The following ASH1L variants were observed in gnomAD, a reference collection of about 807,000 sequenced individuals.
ASH1L encodes histone-lysine N-methyltransferase ASH1L.
In ASH1L, 23 loss-of-function variants were observed where a neutral mutation model predicts 269.0. The ratio of observed to expected loss-of-function variants is 0.09; its 90% confidence interval spans 0.06 to 0.12. The LOEUF is 0.12. Ranked by LOEUF, ASH1L falls within the 10% of genes least tolerant of loss-of-function variation. The pLI is 1.00. For synonymous variants in ASH1L, 1,187 were observed against 1,253.5 expected, an observed-to-expected ratio of 0.95 and a Z score of 1.12; for missense variants, 2,912 against 3,567.8, an observed-to-expected ratio of 0.82 and a Z score of 4.68.
At position 155,562,184 on chromosome 1, in the gene ASH1L, G is replaced by A. The variant is rs567030046; in HGVS notation, c.-131C>T. The A allele has an allele frequency of 1.2e-6, 2 of 1,603,060 alleles. No individual in the cohort carries two copies. Among genetic ancestry groups the A allele is most frequent in the Admixed American group, 1.7e-5 (1 of 59,642 alleles). Reference sequence around the variant, plus strand: ...GGAGGCCGAGGCCGAGGCCGAGAGCGATGAGAGTGCAGGGAAGTGGGGAAG... The same window carrying A: ...GGAGGCCGAGGCCGAGGCCGAGAGCAATGAGAGTGCAGGGAAGTGGGGAAG... On this transcript the variant is annotated 5_prime_UTR_variant, in exon 1 of 28. Transcript: ENST00000392403.
At chr1:155,420,808 C>G (rs533144104) in intron 5 of ASH1L, among the ~76,000 whole-genome samples, 1 of 145,800 alleles carries the variant, frequency 6.9e-6, no homozygotes, top group East Asian at 2.0e-4. Flanking sequence ...CAAGATCGCA[C>G]TACTGCACTT....
Position 155,438,630 on chromosome 1 carries a change from C to T in ASH1L, c.5525G>A (p.Gly1842Glu). Residue 1842 changes from glycine to glutamate, a missense_variant, in exon 5 of 28, where the codon GGG (glycine) becomes GAG (glutamate). This residue lies in a region of ASH1L where 789 missense variants were observed against 897.6 expected (regional missense o/e 0.88). Transcript: ENST00000392403. ...TGGCCTACGTTTCACAAAGTTATTC[C>T]CTGTCCTGGCCTGCCTTTGAAGTTT... is the stretch of plus-strand genomic sequence containing the variant. ...AKKLQRQART[G>E]NNFVKRRPGR... 1 of 1,614,200 alleles carries T rather than the reference C, an allele frequency of 6.2e-7. No homozygotes were observed. The highest frequency in any genetic ancestry group is 8.5e-7 in the Non-Finnish European group (1 of 1,180,038).
upstream of ASH1L, chr1:155,562,968 C>T: frequency 2.2e-6 from 1 of 457,892 alleles, no homozygotes. Flanking sequence ...TGTTCCATTC[C>T]TGTCGGCTGC....
In ASH1L at chr1:155,357,462, T is replaced by C. The variant is rs1429810496; in HGVS notation, c.6961-52A>G. The C allele has an allele frequency of 2.5e-6, 4 of 1,593,826 alleles. No individual in the cohort carries two copies. In the East Asian group the frequency reaches 8.9e-5, roughly 36 times the overall value. On this transcript the variant is annotated intron_variant, in intron 14 of 27. Transcript: ENST00000392403. The stretch of plus-strand genomic sequence containing the variant: ...GATTTAAAAAAATATCAGTCAGAAA[T>C]AATCTCCAAGAATATTAAAACCACT...
intron 5 of ASH1L, among the ~76,000 whole-genome samples, chr1:155,416,275 G>A (rs1660199817): frequency 6.6e-6 from 1 of 150,396 alleles, no homozygotes; most frequent in Non-Finnish European, 1.5e-5. Context: ...ATATTACAGG[G>A]GCACGCCACC....
chr1:155,367,808 C>T (rs1655572402), intron 12 of ASH1L, among the ~76,000 whole-genome samples: 2 of 151,980 alleles, frequency 1.3e-5, no homozygotes, highest in Admixed American at 6.6e-5. Context: ...TGGAATAAAC[C>T]CCACATAGTC....
chr1:155,337,568 C>G lies in ASH1L; in HGVS notation c.*92G>C, dbSNP rs1343323657. The G allele has an allele frequency of 3.7e-6, 4 of 1,079,994 alleles. No homozygotes were observed. Among genetic ancestry groups the G allele is most frequent in the African/African-American group, 3.1e-5 (2 of 64,284 alleles). 66.9% of individuals were successfully genotyped at this position (1,079,994 alleles called of 1,614,324 possible). ...CCCCATTCCCCTTGCCCAGATGGACCCTTCCCACCCCTGTCTATACCCAGA... is the reference window on the plus strand; with the variant it reads ...CCCCATTCCCCTTGCCCAGATGGACGCTTCCCACCCCTGTCTATACCCAGA... On this transcript the variant is annotated 3_prime_UTR_variant, in exon 28 of 28. Coordinates refer to ENST00000392403, the MANE Select transcript of ASH1L (RefSeq NM_018489.3).
At chr1:155,517,419 AG>A (rs1291057173) in intron 2 of ASH1L, among the ~76,000 whole-genome samples, 1 of 152,158 alleles carries the variant, frequency 6.6e-6, no homozygotes, top group Non-Finnish European at 1.5e-5. Context: ...ATTTGAGCTC[AG>A]GAGTTTGAGA....
chr1:155,503,284 C>G (rs1667627248), intron 2 of ASH1L, among the ~76,000 whole-genome samples: 1 of 151,916 alleles, frequency 6.6e-6, no homozygotes, highest in South Asian at 2.1e-4. Flanking sequence ...TGTAGCTTCA[C>G]TCAATACAGC....
At chr1:155,351,758 G>T (rs12024696) in intron 17 of ASH1L, among the ~76,000 whole-genome samples, 1 of 151,706 alleles carries the variant, frequency 6.6e-6, no homozygotes, top group South Asian at 2.1e-4. Flanking sequence ...GGCTGAGGCA[G>T]GAGAATCGCT....
At chr1:155,413,866 C>T (rs536519741) in intron 6 of ASH1L, among the ~76,000 whole-genome samples, 1 of 151,912 alleles carries the variant, frequency 6.6e-6, no homozygotes, top group Admixed American at 6.6e-5. Context: ...TAGTTAAGTG[C>T]CTATCTTTTT....
chr1:155,335,600 G>A lies in ASH1L; in HGVS notation c.*2060C>T, dbSNP rs1441266908. ...ATAAAATAACTGAAAAATAAAAAAAGGCATTAATTTCTACACCAGTAAGAA... is the reference window on the plus strand; with the variant it reads ...ATAAAATAACTGAAAAATAAAAAAAAGCATTAATTTCTACACCAGTAAGAA... On this transcript the variant is annotated 3_prime_UTR_variant, in exon 28 of 28. Transcript: ENST00000392403. 5.9e-5 allele frequency: 9 copies of A among 152,674 alleles called. No individual in the cohort carries two copies. In the East Asian group the frequency reaches 1.1e-3, roughly 19 times the overall value. The allele number at this position is 152,674 out of a possible 1,614,324, so 9.5% of individuals were successfully genotyped here. A position where few individuals can be genotyped will look rare whatever the true frequency, so the allele number is the denominator to read the frequency against.
intron 4 of ASH1L, among the ~76,000 whole-genome samples, chr1:155,454,303 C>A (rs1663716490): frequency 6.6e-6 from 1 of 152,194 alleles, no homozygotes; most frequent in African/African-American, 2.4e-5. Context: ...TCAACTAGAT[C>A]TAAGTCAAAA....
chr1:155,542,685 T>A (rs1311417912), intron 1 of ASH1L, among the ~76,000 whole-genome samples: 1 of 150,732 alleles, frequency 6.6e-6, no homozygotes, highest in Non-Finnish European at 1.5e-5. Flanking sequence ...TAATTAATTT[T>A]TTTTTTTTTT....
chr1:155,443,809 A>G (rs1432865289), intron 4 of ASH1L, among the ~76,000 whole-genome samples: 1 of 152,124 alleles, frequency 6.6e-6, no homozygotes, highest in Non-Finnish European at 1.5e-5. Flanking sequence ...TTTACAACTG[A>G]ATTATATGAA....
intron 3 of ASH1L, among the ~76,000 whole-genome samples, chr1:155,474,655 T>A (rs1665391050): frequency 6.6e-6 from 1 of 152,036 alleles, no homozygotes; most frequent in Non-Finnish European, 1.5e-5. Flanking sequence ...GCCAAGATCG[T>A]GCCACTGCAC....
In ASH1L at chr1:155,395,475, T is replaced by A; in HGVS notation, c.6087A>T (p.Pro2029=). The A allele has an allele frequency of 6.2e-7, 1 of 1,608,970 alleles. No individual in the cohort carries two copies. Among genetic ancestry groups the A allele is most frequent in the East Asian group, 2.3e-5 (1 of 44,336 alleles). Residue 2029 remains proline (P), a synonymous_variant, in exon 7 of 28, where the codon CCA becomes CCT. Transcript: ENST00000392403. ...TPGEHEYGLF[P]APIHVGKYLR... is the part of the protein sequence containing the mutation. Reference sequence around the variant, plus strand: ...GGTACTTACCAACATGAATGGGCGCTGGAAATAATCCATATTCATGCTCTC... The same window carrying A: ...GGTACTTACCAACATGAATGGGCGCAGGAAATAATCCATATTCATGCTCTC...
chr1:155,473,145 A>T (rs1254260409), intron 3 of ASH1L, among the ~76,000 whole-genome samples: 4 of 152,226 alleles, frequency 2.6e-5, no homozygotes, highest in African/African-American at 9.6e-5. Context: ...GCAGGACAAA[A>T]CTAGCAGCTG....
chr1:155,491,411 A>G (rs1210037014), intron 2 of ASH1L, among the ~76,000 whole-genome samples: 1 of 152,092 alleles, frequency 6.6e-6, no homozygotes, highest in East Asian at 1.9e-4. Flanking sequence ...AAAATCTTTT[A>G]TGTATTCAAA....
Sources: allele counts gnomAD v4.1 joint callset (sites outside exome capture counted in the v4.1 genomes callset), GRCh38; gene constraint gnomAD v4.1.1; regional missense constraint gnomAD v4.1.1; transcripts MANE v1.5; gene names NCBI Gene and HGNC (gene_info 2026-07-23, HGNC 2026-07-21).